Variants in SLC3A2 observed in about 807,000 individuals in gnomAD.
The protein encoded by SLC3A2 is solute carrier family 3 member 2, also known as amino acid transporter heavy chain SLC3A2.
In SLC3A2, 32 loss-of-function variants were observed where a neutral mutation model predicts 48.5. That is an observed-to-expected ratio of 0.66 (90% CI 0.50 to 0.89). The LOEUF is 0.89. Ranked by LOEUF, SLC3A2 falls within the 40% of genes least tolerant of loss-of-function variation. SLC3A2 has a pLI of 0.00. For synonymous variants in SLC3A2, 277 were observed against 288.8 expected (o/e 0.96, Z 0.41); for missense variants, 587 against 680.7 (o/e 0.86, Z 1.53).
At chr11:62,858,700 G>C (rs1043250610) in intron 1 of SLC3A2, among the ~76,000 whole-genome samples, 27 of 152,316 alleles carry the variant, frequency 1.8e-4, no homozygotes, top group African/African-American at 6.3e-4. Flanking sequence ...TTGATCATTC[G>C]TGGGTGTTTC....
Position 62,875,361 on chromosome 11 carries a change from A to G in SLC3A2, c.113-5658A>G, listed in dbSNP as rs371619271. Among the ~76,000 whole-genome samples, 125 of 152,250 alleles carry G rather than the reference A, an allele frequency of 8.2e-4. 4 individuals carry two copies. In the South Asian group the frequency reaches 0.025, roughly 30 times the overall value. On this transcript the variant is annotated intron_variant, in intron 1 of 9. Coordinates refer to the SLC3A2 transcript ENST00000377889. The stretch of plus-strand genomic sequence containing the variant: ...GGAGATCAAGACCATCCTGGCTAAC[A>G]TGGTGAAACCCCGTCTCTACTAAAA...
Position 62,881,078 on chromosome 11 carries a change from C to T in SLC3A2, c.55C>T (p.Pro19Ser). The T allele has an allele frequency of 1.2e-6, 2 of 1,607,756 alleles. No homozygotes were observed. Among genetic ancestry groups the T allele is most frequent in the Non-Finnish European group, 1.7e-6 (2 of 1,176,998 alleles). The change falls in exon 1 of 9, where the codon CCC becomes TCC. Residue 19 changes from proline to serine, a missense_variant. Pro to Ser is a moderately conservative substitution (Grantham distance 74). Around this residue, in one of 3 missense-constraint regions of SLC3A2, gnomAD observed 409 missense variants for 446.7 expected, o/e 0.92. Transcript: ENST00000338663. The surrounding 1 kb of genome is among the most constrained non-coding windows in gnomAD (Gnocchi z 4.0). ...GGAGGTGGAGCTGAATGAGTTAGAGCCCGAGAAGCAGCCGATGAACGCGGC... is the reference window on the plus strand; with the variant it reads ...GGAGGTGGAGCTGAATGAGTTAGAGTCCGAGAAGCAGCCGATGAACGCGGC... Reference protein sequence around the residue: ...MKEVELNELEPEKQPMNAASG... With the variant: ...MKEVELNELESEKQPMNAASG...
Position 62,888,413 on chromosome 11 carries a change from A to T in SLC3A2, c.1310A>T (p.His437Leu), listed in dbSNP as rs370502516. ...DQRSKERSLL[H>L]GDFHAFSAGP... Reference sequence around the variant, plus strand: ...CGGAGTAAGGAGCGCTCCCTACTGCATGGGGACTTCCACGCGTTCTCCGCT... The same window carrying T: ...CGGAGTAAGGAGCGCTCCCTACTGCTTGGGGACTTCCACGCGTTCTCCGCT... The change falls in exon 9 of 9, where the codon CAT becomes CTT. Residue 437 changes from histidine (H) to leucine (L), a missense_variant. By Grantham distance (99) the His-to-Leu change is moderately conservative (BLOSUM62 -3). This residue lies in a region of SLC3A2 where 169 missense variants were observed against 204.4 expected (regional missense o/e 0.83). Coordinates refer to ENST00000338663, the MANE Select transcript of SLC3A2 (RefSeq NM_001013251.3). 31 of 1,614,082 alleles carry T rather than the reference A, an allele frequency of 1.9e-5. No individual in the cohort carries two copies. Among genetic ancestry groups the T allele is most frequent in the African/African-American group, 2.7e-5 (2 of 74,932 alleles).
chr11:62,856,139 A>G, upstream of SLC3A2: 2 of 670,680 alleles, frequency 3.0e-6, no homozygotes, highest in Non-Finnish European at 4.9e-6. Context: ...CACCCAGTGC[A>G]TGTGGCAGGA....
At chr11:62,876,914 G>C (rs2085576506), upstream of SLC3A2, 2 of 998,396 alleles carry the variant, frequency 2.0e-6, no homozygotes, top group Non-Finnish European at 1.2e-6. Flanking sequence ...GTTTTATTTT[G>C]GTTGAACAGT....
At chr11:62,885,020 G>A (rs1008543309) in intron 5 of SLC3A2, among the ~76,000 whole-genome samples, 157 bp from the exon 6 acceptor site, 29 of 151,478 alleles carry the variant, frequency 1.9e-4, no homozygotes, top group Non-Finnish European at 3.2e-4. Flanking sequence ...TAGTAGAGAC[G>A]GGGTTTCTCC....
At chr11:62,885,948 C>T (rs1019647292) in intron 7 of SLC3A2, among the ~76,000 whole-genome samples, 4 of 152,102 alleles carry the variant, frequency 2.6e-5, no homozygotes, top group Non-Finnish European at 5.9e-5. Context: ...GCTCTGTGCC[C>T]TCAGGAGCTC....
rs1419746571 is a variant in SLC3A2 at position 62,887,266 on chromosome 11, C to T, written c.1144-869C>T. ...ATGGGGCTTGTTTTATAGAGAGTAG[C>T]CATAGGAGACCTGGTAAGATAACCA... is the stretch of plus-strand genomic sequence containing the variant. On this transcript the variant is annotated intron_variant, in intron 7 of 8. Coordinates refer to ENST00000338663, the MANE Select transcript of SLC3A2 (RefSeq NM_001013251.3). Among the ~76,000 whole-genome samples the T allele has an allele frequency of 3.3e-5, 5 of 151,934 alleles. No individual in the cohort carries two copies. In the East Asian group the frequency reaches 9.6e-4, roughly 29 times the overall value.
chr11:62,875,529 T>G (rs187077885), intron 1 of SLC3A2, among the ~76,000 whole-genome samples: 1 of 152,122 alleles, frequency 6.6e-6, no homozygotes, highest in East Asian at 1.9e-4. Flanking sequence ...GAGCGAGACT[T>G]CATCTCAAAA....
intron 1 of SLC3A2, among the ~76,000 whole-genome samples, chr11:62,871,394 AT>A (rs1301593360): frequency 7.5e-4 from 113 of 151,386 alleles, no homozygotes; most frequent in African/African-American, 2.6e-3. Context: ...ACCCGCCACC[AT>A]GCCTGACTAA....
At chr11:62,873,299 C>T (rs2085536381) in intron 1 of SLC3A2, among the ~76,000 whole-genome samples, 1 of 151,816 alleles carries the variant, frequency 6.6e-6, no homozygotes. Flanking sequence ...ACAGCCTGGC[C>T]AACATTAGTG....
chr11:62,861,574 C>A (rs753842189), intron 1 of SLC3A2, among the ~76,000 whole-genome samples: 6 of 152,142 alleles, frequency 3.9e-5, no homozygotes, highest in Non-Finnish European at 5.9e-5. Flanking sequence ...TGGCTTCTTC[C>A]CTTCTAGTTC....
At chr11:62,869,203 T>C (rs2085484571) in intron 1 of SLC3A2, among the ~76,000 whole-genome samples, 2 of 151,766 alleles carry the variant, frequency 1.3e-5, no homozygotes, top group South Asian at 4.2e-4. Context: ...CTGGCCTGAA[T>C]TGGCTATTTC....
At chr11:62,857,884 G>T (rs1565241370) in intron 1 of SLC3A2, among the ~76,000 whole-genome samples, 1 of 151,972 alleles carries the variant, frequency 6.6e-6, no homozygotes, top group Non-Finnish European at 1.5e-5. Context: ...GGAACAACTG[G>T]AGCACAAGCT....
At position 62,860,224 on chromosome 11, in the gene SLC3A2, G is replaced by A. The variant is rs143799320; in HGVS notation, c.112+3843G>A. On this transcript the variant is annotated intron_variant, in intron 1 of 9. Transcript: ENST00000377889. The stretch of plus-strand genomic sequence containing the variant: ...AGCGCAGTAAAGAGCAGTATTGGCC[G>A]GGCGCGGTGGCTCACGCCTGTAATC... Among the ~76,000 whole-genome samples, 70 of 152,196 alleles carry A rather than the reference G, an allele frequency of 4.6e-4. No individual in the cohort carries two copies. In the East Asian group the frequency reaches 6.6e-3, roughly 14 times the overall value.
At chr11:62,861,633 C>T (rs531843256) in intron 1 of SLC3A2, among the ~76,000 whole-genome samples, 115 of 152,126 alleles carry the variant, frequency 7.6e-4, no homozygotes, top group African/African-American at 2.6e-3. Context: ...AAACTCTGGT[C>T]GGTCGGGCAC....
At position 62,888,169 on chromosome 11, in the gene SLC3A2, C is replaced by A; in HGVS notation, c.1178C>A (p.Ser393Tyr). The A allele has an allele frequency of 6.2e-7, 1 of 1,613,992 alleles. No individual in the cohort carries two copies. The highest frequency in any genetic ancestry group is 8.5e-7 in the Non-Finnish European group (1 of 1,180,022). Residue 393 changes from serine to tyrosine, a missense_variant, in exon 8 of 9, where the codon TCC becomes TAC. Transcript: ENST00000338663. ...GCTCCAGTCATGCTGTGGGATGAGT[C>A]CAGCTTCCCTGACATCCCAGGGGCT... ...MEAPVMLWDE[S>Y]SFPDIPGAVS...
At chr11:62,886,456 C>T (rs1345968426) in intron 7 of SLC3A2, 3 of 151,950 alleles carry the variant, frequency 2.0e-5, no homozygotes, top group African/African-American at 7.3e-5. Flanking sequence ...CCCTATGTCG[C>T]CCAGGCTGGA....
upstream of SLC3A2, among the ~76,000 whole-genome samples, chr11:62,879,344 G>T (rs2085604750): frequency 6.6e-6 from 1 of 152,174 alleles, no homozygotes; most frequent in Non-Finnish European, 1.5e-5. Context: ...TGGCCTCAAG[G>T]AATCCTCCCT....
Sources: gnomAD v4.1 joint callset for allele counts (sites outside exome capture counted in the v4.1 genomes callset) on GRCh38, gnomAD v4.1.1 for gene constraint, gnomAD v4.1.1 regional missense constraint, Gnocchi (gnomAD v3.1) non-coding constraint, MANE v1.5 for transcripts, NCBI Gene and HGNC (gene_info 2026-07-23, HGNC 2026-07-21) for gene names.